The following SYNE3 variants were observed in gnomAD, a reference collection of about 807,000 sequenced individuals.
The protein encoded by SYNE3 is nesprin-3.
A neutral mutation model predicts 111.2 loss-of-function variants in SYNE3; 100 were observed. The ratio of observed to expected loss-of-function variants is 0.90; its 90% confidence interval spans 0.77 to 1.06. SYNE3 has a LOEUF of 1.06. Ranked by LOEUF, SYNE3 falls within the 50% of genes least tolerant of loss-of-function variation. The pLI is 0.00. For missense variants in SYNE3, 1,160 were observed against 1,240.3 expected, an observed-to-expected ratio of 0.94 and a Z score of 0.97; for synonymous variants, 547 against 533.9, an observed-to-expected ratio of 1.02 and a Z score of -0.34.
intron 4 of SYNE3, among the ~76,000 whole-genome samples, chr14:95,460,037 C>A (rs1381069712): frequency 6.6e-6 from 1 of 152,054 alleles, no homozygotes; most frequent in Non-Finnish European, 1.5e-5. Flanking sequence ...GTGGAGGCTG[C>A]AGTGAGCTGT....
At chr14:95,506,784 C>A (rs892721128) in intron 1 of SYNE3, among the ~76,000 whole-genome samples, 5 of 152,174 alleles carry the variant, frequency 3.3e-5, no homozygotes, top group African/African-American at 1.2e-4. Context: ...AGTGACTCTG[C>A]AGGGAAGGTG....
Position 95,450,320 on chromosome 14 carries a change from A to T in SYNE3, c.1275-215T>A, listed in dbSNP as rs1886996803. ...ATCACTATGAAAAGGCATCAGCAGC[A>T]GGCCTGGGGTCTTCCTGAGGACAGA... On this transcript the variant is annotated intron_variant, in intron 7 of 17. Transcript: ENST00000682763. The T allele has an allele frequency of 6.6e-6, 4 of 605,016 alleles. No homozygotes were observed. In the East Asian group the frequency reaches 1.2e-4, roughly 17 times the overall value. The allele number at this position is 605,016 out of a possible 1,614,324, so 37.5% of individuals were successfully genotyped here.
chr14:95,430,680 C>T (rs990045342), intron 17 of SYNE3, among the ~76,000 whole-genome samples: 2 of 152,042 alleles, frequency 1.3e-5, no homozygotes. Context: ...AAAAATTAGC[C>T]GGGTGTGGTA....
At chr14:95,493,299 G>A (rs1889934622) in intron 1 of SYNE3, among the ~76,000 whole-genome samples, 1 of 152,166 alleles carries the variant, frequency 6.6e-6, no homozygotes, top group Non-Finnish European at 1.5e-5. Flanking sequence ...ATTTATTAAT[G>A]CACTTGCTTT....
At chr14:95,455,323 G>C (rs1887345420) in intron 6 of SYNE3, 54 bp downstream of exon 6, 1 of 1,407,834 alleles carries the variant, frequency 7.1e-7, no homozygotes, top group Admixed American at 2.7e-5. Flanking sequence ...TGAGTGCCAG[G>C]ACCCTGGGCA....
chr14:95,511,083 T>C (rs539900577), intron 1 of SYNE3, among the ~76,000 whole-genome samples: 19 of 152,368 alleles, frequency 1.2e-4, no homozygotes, highest in African/African-American at 4.3e-4. Context: ...TGGCTCATCC[T>C]TTCCACTCCC....
chr14:95,508,313 T>C (rs1046127017), intron 1 of SYNE3, among the ~76,000 whole-genome samples: 3 of 152,216 alleles, frequency 2.0e-5, no homozygotes, highest in Non-Finnish European at 2.9e-5. Context: ...GCTGTAAAGA[T>C]GAACCATGCA....
Position 95,446,000 on chromosome 14 carries a change from C to G in SYNE3, c.1541G>C (p.Arg514Thr). The change falls in exon 9 of 18, where the codon AGA becomes ACA. Residue 514 changes from arginine (R) to threonine (T), a missense_variant. Coordinates refer to ENST00000682763, the MANE Select transcript of SYNE3 (RefSeq NM_152592.6). ...DLLIGIFGQE[R>T]ATALLEQVAG... ...CACCTGCTCCAGGAGTGCCGTGGCT[C>G]TCTCCTGGCCAAAGATGCCAATCAG... 3 of 1,614,172 alleles carry G rather than the reference C, an allele frequency of 1.9e-6. No homozygotes were observed. Among genetic ancestry groups the G allele is most frequent in the Non-Finnish European group, 1.7e-6 (2 of 1,180,042 alleles).
At chr14:95,463,595 G>A (rs1454761769) in intron 4 of SYNE3, among the ~76,000 whole-genome samples, 1 of 152,266 alleles carries the variant, frequency 6.6e-6, no homozygotes, top group African/African-American at 2.4e-5. Flanking sequence ...CAGAGGGGCA[G>A]ACCTGGAGAG....
chr14:95,427,379 C>G (rs1030939247), intron 17 of SYNE3, among the ~76,000 whole-genome samples: 1 of 152,190 alleles, frequency 6.6e-6, no homozygotes, highest in Non-Finnish European at 1.5e-5. Flanking sequence ...GGCCTGACAT[C>G]AGTCAGGCCC....
At chr14:95,453,250 C>G (rs1202227086) in intron 6 of SYNE3, among the ~76,000 whole-genome samples, 3 of 152,138 alleles carry the variant, frequency 2.0e-5, no homozygotes, top group African/African-American at 7.2e-5. Flanking sequence ...ATGCATTAGT[C>G]CCTCCCCATC....
At chr14:95,482,302 C>T (rs1030975185) in intron 1 of SYNE3, among the ~76,000 whole-genome samples, 4 of 152,118 alleles carry the variant, frequency 2.6e-5, no homozygotes, top group East Asian at 1.9e-4. Flanking sequence ...GGCGTGATAG[C>T]GTGCGCCTGT....
At chr14:95,513,938 C>T (rs1890817096) in intron 1 of SYNE3, among the ~76,000 whole-genome samples, 1 of 151,800 alleles carries the variant, frequency 6.6e-6, no homozygotes, top group South Asian at 2.1e-4. Flanking sequence ...GCCCTTAGTT[C>T]TAATCCTGGC....
At position 95,449,458 on chromosome 14, in the gene SYNE3, C is replaced by T. The variant is rs1001380963; in HGVS notation, c.1449+473G>A. ...TTCATGGGAGATGCACGTTTGGAGC[C>T]GGAGCAGCCATGCTGGGGCCATGAG... On this transcript the variant is annotated intron_variant, in intron 8 of 17. Transcript: ENST00000682763. 28 of 985,320 alleles carry T rather than the reference C, an allele frequency of 2.8e-5. No homozygotes were observed. In the Admixed American group the frequency reaches 8.6e-4, roughly 30 times the overall value. 61.0% of individuals were successfully genotyped at this position (985,320 alleles called of 1,614,324 possible). A position where few individuals can be genotyped will look rare whatever the true frequency, so the allele number is the denominator to read the frequency against.
intron 3 of SYNE3, 130 bp from the exon 4 acceptor site, chr14:95,466,370 C>G: frequency 9.3e-7 from 1 of 1,072,564 alleles, no homozygotes; most frequent in South Asian, 1.8e-5. Context: ...CCCTTTCTGG[C>G]CTCTGAGTCA....
chr14:95,438,478 G>A (rs4905306), intron 14 of SYNE3: 54,666 of 154,698 alleles, frequency 0.35, 10,494 homozygotes, highest in East Asian at 0.66. Flanking sequence ...CGTTACTCAC[G>A]GCTGTATCCT....
At chr14:95,446,280 C>G (rs113024951) in intron 8 of SYNE3, among the ~76,000 whole-genome samples, 189 bp from the exon 9 acceptor site, 1 of 152,144 alleles carries the variant, frequency 6.6e-6, no homozygotes, top group Non-Finnish European at 1.5e-5. Flanking sequence ...CCCTGAGTTT[C>G]GGGGTCAACT....
At chr14:95,499,276 G>C (rs1189717654) in intron 1 of SYNE3, among the ~76,000 whole-genome samples, 1 of 152,216 alleles carries the variant, frequency 6.6e-6, no homozygotes, top group Non-Finnish European at 1.5e-5. Flanking sequence ...AGGCTTTTCT[G>C]AATGAACGCC....
At position 95,500,794 on chromosome 14, in the gene SYNE3, A is replaced by G. The variant is rs1172369785; in HGVS notation, c.-15+15802T>C. ...CACTGACCCTTCCTGCTGCAGCTAC[A>G]GCTCCAAGGCCACCCACCCAACTGG... On this transcript the variant is annotated intron_variant, in intron 1 of 17. Transcript: ENST00000682763. The surrounding 1 kb of genome is among the most constrained non-coding windows in gnomAD (Gnocchi z 4.7). 6.6e-6 allele frequency among the ~76,000 whole-genome samples: 1 copy of G among 152,126 alleles called. No individual in the cohort carries two copies. The highest frequency in any genetic ancestry group is 1.5e-5 in the Non-Finnish European group (1 of 68,026).
Sources: allele counts gnomAD v4.1 joint callset (sites outside exome capture counted in the v4.1 genomes callset), GRCh38; gene constraint gnomAD v4.1.1; non-coding constraint Gnocchi (gnomAD v3.1); transcripts MANE v1.5; gene names NCBI Gene and HGNC (gene_info 2026-07-23, HGNC 2026-07-21).